Variants in ACAP2 observed in about 807,000 individuals in gnomAD.
ACAP2 encodes the protein ArfGAP with coiled-coil, ankyrin repeat and PH domains 2, also known as arf-GAP with coiled-coil, ANK repeat and PH domain-containing protein 2.
Under a neutral mutation model 115.8 loss-of-function variants are expected in ACAP2, and 39 were observed. The observed-to-expected ratio is 0.34, with a 90% CI of 0.26 to 0.44. The LOEUF (loss-of-function observed/expected upper bound fraction) is 0.44, where lower values mean the gene tolerates loss of function less well. Ranked by LOEUF, ACAP2 falls within the 20% of genes least tolerant of loss-of-function variation. The pLI is 1.00. For synonymous variants in ACAP2, 289 were observed against 315.8 expected (o/e 0.92, Z 0.90); for missense variants, 662 against 927.6 (o/e 0.71, Z 3.72).
At chr3:195,295,655 G>A in intron 17 of ACAP2, 53 bp downstream of exon 17, 4 of 1,588,954 alleles carry the variant, frequency 2.5e-6, no homozygotes, top group Non-Finnish European at 3.4e-6. Context: ...GATTATAAAA[G>A]TGATTTGAGC....
At chr3:195,379,767 G>A (rs1302266703) in intron 4 of ACAP2, among the ~76,000 whole-genome samples, 1 of 152,148 alleles carries the variant, frequency 6.6e-6, no homozygotes, top group African/African-American at 2.4e-5. Flanking sequence ...CTGTGCCATT[G>A]CACTCCAGTC....
rs192079814 is a variant in ACAP2 at position 195,297,480 on chromosome 3, C to A, written c.1396-199G>T. Among the ~76,000 whole-genome samples, 558 of 152,278 alleles carry A rather than the reference C, an allele frequency of 3.7e-3. 1 individual carries two copies. The highest frequency in any genetic ancestry group is 8.5e-3 in the Admixed American group (130 of 15,286). On this transcript the variant is annotated intron_variant, in intron 15 of 22. Coordinates refer to ENST00000326793, the MANE Select transcript of ACAP2 (RefSeq NM_012287.6). ...AATATTATCACCTTGCTGTTCTTCA[C>A]CAAATTACCTCTGCTAGAAGATTAT...
At position 195,307,317 on chromosome 3, in the gene ACAP2, G is replaced by C. The variant is rs753611302; in HGVS notation, c.916C>G (p.Pro306Ala). 5 of 1,610,862 alleles carry C rather than the reference G, an allele frequency of 3.1e-6. No individual in the cohort carries two copies. The highest frequency in any genetic ancestry group is 8.5e-7 in the Non-Finnish European group (1 of 1,177,726). ...LVYQKKFKDNPTVVVEDLRLC... is the reference protein window; with the variant it reads ...LVYQKKFKDNATVVVEDLRLC... ...CTGAGGTCTTCAACTACCACAGTCG[G>C]ATTATCCTATAGTGAGGAAACCAAA... Residue 306 changes from proline (P) to alanine (A), a missense_variant, in exon 12 of 23, where the codon CCG becomes GCG. Transcript: ENST00000326793.
chr3:195,340,839 C>T lies in ACAP2; in HGVS notation c.528+1632G>A, dbSNP rs75419182. Among the ~76,000 whole-genome samples the T allele has an allele frequency of 7.9e-5, 12 of 152,270 alleles. No individual in the cohort carries two copies. In the East Asian group the frequency reaches 1.9e-3, roughly 25 times the overall value. On this transcript the variant is annotated intron_variant, in intron 6 of 22. Coordinates refer to ENST00000326793, the MANE Select transcript of ACAP2 (RefSeq NM_012287.6). ...GGTAGGTAACAGGACCCAGGAAATA[C>T]ACTACTCCAGTCCAGTATCCTTTCC...
intron 15 of ACAP2, among the ~76,000 whole-genome samples, chr3:195,301,205 C>T (rs1728030286): frequency 6.6e-6 from 1 of 152,090 alleles, no homozygotes; most frequent in African/African-American, 2.4e-5. Flanking sequence ...CCTGCCTCAG[C>T]CTCCTGAGTA....
intron 7 of ACAP2, among the ~76,000 whole-genome samples, chr3:195,334,103 GA>G (rs1326120399): frequency 6.6e-6 from 1 of 151,100 alleles, no homozygotes; most frequent in Non-Finnish European, 1.5e-5. Context: ...GAATAATACT[GA>G]AAAAATATTC....
chr3:195,373,844 G>A (rs1194261348), intron 4 of ACAP2, among the ~76,000 whole-genome samples: 2 of 152,036 alleles, frequency 1.3e-5, no homozygotes, highest in African/African-American at 4.8e-5. Context: ...AGAACTGCTT[G>A]AGCCCAAGAG....
At chr3:195,422,881 A>T (rs1714298580) in intron 1 of ACAP2, among the ~76,000 whole-genome samples, 1 of 152,166 alleles carries the variant, frequency 6.6e-6, no homozygotes, top group South Asian at 2.1e-4. Flanking sequence ...ACCATAATCC[A>T]AATTTTTCAT....
intron 1 of ACAP2, chr3:195,419,344 T>C (rs1271741846): frequency 6.6e-6 from 1 of 152,234 alleles, no homozygotes; most frequent in Non-Finnish European, 1.5e-5. Flanking sequence ...CATTTTTCCG[T>C]GCTCTCCAAA....
rs1028016545 is a variant in ACAP2 at position 195,274,865 on chromosome 3, CA to C, written c.*4462del. 5.9e-5 allele frequency: 9 copies of C among 152,634 alleles called. No homozygotes were observed. Among genetic ancestry groups the C allele is most frequent in the African/African-American group, 2.2e-4 (9 of 41,452 alleles). The allele number at this position is 152,634 out of a possible 1,614,324, so 9.5% of individuals were successfully genotyped here. On this transcript the variant is annotated 3_prime_UTR_variant, in exon 23 of 23. Coordinates refer to ENST00000326793, the MANE Select transcript of ACAP2 (RefSeq NM_012287.6). ...AAGATAATGTACTTTGCTCCATTTA[CA>C]ATGACAAACTACTGTAAAACTACAT...
chr3:195,314,195 TGTTG>T (rs1384278968), intron 10 of ACAP2, among the ~76,000 whole-genome samples: 118 of 138,274 alleles, frequency 8.5e-4, no homozygotes, highest in African/African-American at 3.0e-3. Context: ...AAGAAAATTT[TGTTG>T]TTTTTTTTTT....
chr3:195,363,758 T>G (rs766120933), intron 4 of ACAP2, among the ~76,000 whole-genome samples: 1 of 152,006 alleles, frequency 6.6e-6, no homozygotes, highest in Non-Finnish European at 1.5e-5. Context: ...GGCACTGGCA[T>G]AGAAACAGAC....
chr3:195,415,759 T>C (rs1244123218), intron 1 of ACAP2, among the ~76,000 whole-genome samples: 2 of 152,098 alleles, frequency 1.3e-5, no homozygotes, highest in Non-Finnish European at 2.9e-5. Context: ...AGATAAAAAC[T>C]TTATTTAGAA....
At chr3:195,358,705 T>C (rs944994498) in intron 4 of ACAP2, among the ~76,000 whole-genome samples, 3 of 151,756 alleles carry the variant, frequency 2.0e-5, no homozygotes, top group African/African-American at 7.3e-5. Context: ...GAATGAAGCA[T>C]CCCTGTAAGA....
At chr3:195,427,034 T>C (rs937641855) in intron 1 of ACAP2, among the ~76,000 whole-genome samples, 2 of 151,908 alleles carry the variant, frequency 1.3e-5, no homozygotes, top group African/African-American at 4.8e-5. Flanking sequence ...CATCTGACCT[T>C]GAGATTGGGA....
chr3:195,299,912 AAT>A (rs1298427468), intron 15 of ACAP2, among the ~76,000 whole-genome samples: 7 of 152,208 alleles, frequency 4.6e-5, no homozygotes, highest in Non-Finnish European at 1.0e-4. Context: ...ATAAATTCAC[AAT>A]ATACTACGAT....
chr3:195,319,325 G>A (rs954177302), intron 10 of ACAP2, among the ~76,000 whole-genome samples: 10 of 152,350 alleles, frequency 6.6e-5, no homozygotes, highest in African/African-American at 2.4e-4. Flanking sequence ...CCCCACTGTG[G>A]CACTGCCTAG....
chr3:195,289,067 G>T, intron 21 of ACAP2, 54 bp downstream of exon 21: 1 of 1,423,984 alleles, frequency 7.0e-7, no homozygotes. Flanking sequence ...GGATAACCGA[G>T]GGACAACTGT....
chr3:195,367,084 G>A (rs1732779631), intron 4 of ACAP2, among the ~76,000 whole-genome samples: 1 of 150,324 alleles, frequency 6.7e-6, no homozygotes. Flanking sequence ...GCAATGGGCT[G>A]GATATGGCCT....
Sources: allele counts gnomAD v4.1 joint callset (sites outside exome capture counted in the v4.1 genomes callset), GRCh38; gene constraint gnomAD v4.1.1; transcripts MANE v1.5; gene names NCBI Gene and HGNC (gene_info 2026-07-23, HGNC 2026-07-21).